Variants in DLGAP1 observed in about 807,000 individuals in gnomAD.
DLGAP1 encodes disks large-associated protein 1.
Under a neutral mutation model 90.8 loss-of-function variants are expected in DLGAP1, and 11 were observed. The observed-to-expected ratio is 0.12, with a 90% CI of 0.08 to 0.20. The LOEUF (loss-of-function observed/expected upper bound fraction) is 0.20, where lower values mean the gene tolerates loss of function less well. Among genes scored for constraint, DLGAP1 ranks in the 10% least tolerant of loss-of-function variants. The pLI is 1.00. For synonymous variants in DLGAP1, 558 were observed against 540.7 expected, an observed-to-expected ratio of 1.03 and a Z score of -0.44; for missense variants, 1,050 against 1,333.8, an observed-to-expected ratio of 0.79 and a Z score of 3.31.
intron 4 of DLGAP1, among the ~76,000 whole-genome samples, chr18:3,828,451 G>A (rs1398846033): frequency 6.6e-6 from 1 of 152,010 alleles, no homozygotes; most frequent in Non-Finnish European, 1.5e-5. Context: ...ATCAGCCTGG[G>A]CAACAGAGCA....
At chr18:4,053,408 T>C (rs970629534) in intron 2 of DLGAP1, among the ~76,000 whole-genome samples, 4 of 152,116 alleles carry the variant, frequency 2.6e-5, no homozygotes, top group African/African-American at 9.7e-5. Context: ...GATTGGAAGG[T>C]AACTGCCCCC....
chr18:4,422,678 A>C (rs1017756013), intron 1 of DLGAP1, among the ~76,000 whole-genome samples: 1 of 152,096 alleles, frequency 6.6e-6, no homozygotes, highest in Non-Finnish European at 1.5e-5. Context: ...TAAACATCAC[A>C]AAGTCCAAAC....
At chr18:3,519,152 A>G (rs1035416885) in intron 10 of DLGAP1, among the ~76,000 whole-genome samples, 5 of 152,170 alleles carry the variant, frequency 3.3e-5, no homozygotes, top group Non-Finnish European at 2.9e-5. Context: ...TGGACATTCA[A>G]TCAGAGCCTT....
In DLGAP1 at chr18:4,365,307, A is replaced by T. The variant is rs138679552; in HGVS notation, c.-267+89699T>A. 8.3e-3 allele frequency among the ~76,000 whole-genome samples: 1,257 copies of T among 152,282 alleles called. 12 individuals carry two copies. The highest frequency in any genetic ancestry group is 0.014 in the Non-Finnish European group (937 of 68,010). ...TTAAAAAACTGGAAGCAGAAGCGCA[A>T]ACTAAACCCAAAGCCAACAGATTTT... On this transcript the variant is annotated intron_variant, in intron 1 of 12. Transcript: ENST00000315677.
At chr18:3,809,791 G>C (rs2066739777) in intron 5 of DLGAP1, among the ~76,000 whole-genome samples, 1 of 152,170 alleles carries the variant, frequency 6.6e-6, no homozygotes, top group Non-Finnish European at 1.5e-5. Flanking sequence ...TTTTTAAAAA[G>C]TTCTTTCTGC....
rs925632583 is a variant in DLGAP1 at position 3,775,261 on chromosome 18, C to A, written c.1173-32749G>T. Among the ~76,000 whole-genome samples the A allele has an allele frequency of 3.9e-5, 6 of 152,178 alleles. No homozygotes were observed. The highest frequency in any genetic ancestry group is 1.4e-4 in the African/African-American group (6 of 41,438). ...TTCCATTCCCCTGTGTTATGCACATCGATATGGTTTGGCTTTGTGTCCCCA... is the reference window on the plus strand; with the variant it reads ...TTCCATTCCCCTGTGTTATGCACATAGATATGGTTTGGCTTTGTGTCCCCA... On this transcript the variant is annotated intron_variant, in intron 5 of 12. Transcript: ENST00000315677. This position sits in a 1 kb window ranked among gnomAD's most constrained non-coding sequence, Gnocchi z 4.9.
chr18:4,146,447 T>C (rs2076586397), intron 2 of DLGAP1, among the ~76,000 whole-genome samples: 1 of 152,160 alleles, frequency 6.6e-6, no homozygotes. Flanking sequence ...CTCATAATTT[T>C]GTGTCGGATT....
intron 2 of DLGAP1, among the ~76,000 whole-genome samples, chr18:4,021,726 G>C (rs2074613356): frequency 1.3e-5 from 2 of 152,080 alleles, no homozygotes; most frequent in Admixed American, 6.5e-5. Context: ...AGCCTCCCAA[G>C]TAGCTGGGAT....
At chr18:4,339,992 T>C (rs1452179670) in intron 1 of DLGAP1, among the ~76,000 whole-genome samples, 1 of 152,160 alleles carries the variant, frequency 6.6e-6, no homozygotes, top group Non-Finnish European at 1.5e-5. Flanking sequence ...TACATTGGTC[T>C]TCTCTTATCA....
intron 2 of DLGAP1, among the ~76,000 whole-genome samples, chr18:4,070,051 C>T (rs1412538154): frequency 1.3e-5 from 2 of 151,546 alleles, no homozygotes; most frequent in Non-Finnish European, 2.9e-5. Context: ...GGTATGATCT[C>T]ATCTCACTGA....
intron 5 of DLGAP1, among the ~76,000 whole-genome samples, chr18:3,795,460 C>T (rs1288174763): frequency 3.3e-5 from 5 of 151,940 alleles, no homozygotes; most frequent in East Asian, 1.9e-4. Context: ...GGACTACAGG[C>T]GCCCACCACC....
At chr18:3,733,184 A>C (rs1184256244) in intron 6 of DLGAP1, among the ~76,000 whole-genome samples, 1 of 152,160 alleles carries the variant, frequency 6.6e-6, no homozygotes, top group East Asian at 1.9e-4. Context: ...TCATTTTTAC[A>C]TAGTTGTGCT....
intron 2 of DLGAP1, among the ~76,000 whole-genome samples, chr18:4,060,898 A>G (rs1171107198): frequency 6.6e-6 from 1 of 152,194 alleles, no homozygotes; most frequent in African/African-American, 2.4e-5. Flanking sequence ...TCATGAAAGG[A>G]AATTTATGAA....
intron 2 of DLGAP1, among the ~76,000 whole-genome samples, chr18:4,036,188 G>A (rs1009936841): frequency 2.0e-5 from 3 of 152,078 alleles, no homozygotes; most frequent in Non-Finnish European, 2.9e-5. Flanking sequence ...TTGAAATGAG[G>A]TAATACTAGG....
intron 9 of DLGAP1, among the ~76,000 whole-genome samples, chr18:3,541,233 A>C (rs2052676100): frequency 6.6e-6 from 1 of 152,148 alleles, no homozygotes; most frequent in Admixed American, 6.5e-5. Context: ...AAAAGGAAGA[A>C]AGAGAGAGAG....
chr18:4,149,443 G>A (rs1337396382), intron 2 of DLGAP1, among the ~76,000 whole-genome samples: 2 of 152,148 alleles, frequency 1.3e-5, no homozygotes, highest in African/African-American at 4.8e-5. Flanking sequence ...AGTAAAAGGA[G>A]CTGCAACAGA....
At chr18:3,765,132 T>TTTTTTTTTTTG in intron 5 of DLGAP1, among the ~76,000 whole-genome samples, 1 of 134,576 alleles carries the variant, frequency 7.4e-6, no homozygotes, top group Non-Finnish European at 1.6e-5. Context: ...TTTTTTTTCT[T>TTTTTTTTTTTG]TTTTTTTTTT....
At chr18:4,398,887 C>G (rs540215205) in intron 1 of DLGAP1, among the ~76,000 whole-genome samples, 20 of 152,116 alleles carry the variant, frequency 1.3e-4, no homozygotes, top group Non-Finnish European at 2.6e-4. Flanking sequence ...GCTGGAGTGC[C>G]GTGGCGTGAT....
intron 1 of DLGAP1, among the ~76,000 whole-genome samples, chr18:4,190,831 GT>G (rs139200715): frequency 0.023 from 3,476 of 152,024 alleles, 133 homozygotes; most frequent in African/African-American, 0.078. Context: ...CTATAATATA[GT>G]TTTTTTCTCT....
Sources: allele counts gnomAD v4.1 joint callset (sites outside exome capture counted in the v4.1 genomes callset), GRCh38; gene constraint gnomAD v4.1.1; non-coding constraint Gnocchi (gnomAD v3.1); transcripts MANE v1.5; gene names NCBI Gene and HGNC (gene_info 2026-07-23, HGNC 2026-07-21).